The following ALK variants were observed in gnomAD, a reference collection of about 807,000 sequenced individuals.
ALK encodes ALK tyrosine kinase receptor.
In ALK, 74 loss-of-function variants were observed where a neutral mutation model predicts 163.1. The ratio of observed to expected loss-of-function variants is 0.45; its 90% CI spans 0.38 to 0.55. ALK has a LOEUF of 0.55. Among genes scored for constraint, ALK ranks in the 20% least tolerant of loss-of-function variants. The pLI is 0.00. For missense variants in ALK, 2,063 were observed against 2,105.3 expected, an observed-to-expected ratio of 0.98 and a Z score of 0.39; for synonymous variants, 960 against 843.2, an observed-to-expected ratio of 1.14 and a Z score of -2.40.
intron 1 of ALK, among the ~76,000 whole-genome samples, chr2:29,766,835 C>T (rs995359747): frequency 3.9e-5 from 6 of 152,148 alleles, no homozygotes; most frequent in African/African-American, 1.4e-4. Flanking sequence ...ACCTGAAACC[C>T]ATGTCCAGGA....
At chr2:29,640,688 G>C (rs1269347422) in intron 3 of ALK, among the ~76,000 whole-genome samples, 2 of 152,130 alleles carry the variant, frequency 1.3e-5, no homozygotes, top group Non-Finnish European at 2.9e-5. Context: ...GGTATGTGTT[G>C]AACAATATGG....
intron 8 of ALK, among the ~76,000 whole-genome samples, chr2:29,316,670 T>C (rs1113643): frequency 0.6 from 90,975 of 152,106 alleles, 31,254 homozygotes; most frequent in East Asian, 0.81. Flanking sequence ...TCAAAAAGCC[T>C]TCCTTTCTAG....
chr2:29,318,313 A>T lies in ALK; in HGVS notation c.1638T>A (p.Ser546=), dbSNP rs2148247965. The stretch of plus-strand genomic sequence containing the variant: ...AAACAAGGAGACTTGCCTCACATGG[A>T]GAGCTCTTGATCGGTGCAGGAAACG... The part of the protein sequence containing the change: ...SATFPAPIKS[S]PCELRMSWLI... Residue 546 remains serine (S), a synonymous_variant, in exon 8 of 29, where the codon TCT becomes TCA. Coordinates refer to ENST00000389048, the MANE Select transcript of ALK (RefSeq NM_004304.5). 6.2e-7 allele frequency: 1 copy of T among 1,612,672 alleles called. No individual in the cohort carries two copies. The highest frequency in any genetic ancestry group is 8.5e-7 in the Non-Finnish European group (1 of 1,178,684).
intron 1 of ALK, among the ~76,000 whole-genome samples, chr2:29,892,078 C>A (rs1667161673): frequency 6.6e-6 from 1 of 152,206 alleles, no homozygotes; most frequent in African/African-American, 2.4e-5. Flanking sequence ...TACCTACTAC[C>A]TGCACCCCCA....
At chr2:29,759,856 C>T (rs1189399329) in intron 1 of ALK, among the ~76,000 whole-genome samples, 1 of 152,206 alleles carries the variant, frequency 6.6e-6, no homozygotes, top group African/African-American at 2.4e-5. Flanking sequence ...ATGATGTCCA[C>T]TGCTCCTAAG....
At chr2:29,577,894 GC>G (rs1243039076) in intron 3 of ALK, among the ~76,000 whole-genome samples, 1 of 152,188 alleles carries the variant, frequency 6.6e-6, no homozygotes, top group Non-Finnish European at 1.5e-5. Flanking sequence ...AATCCTCGAA[GC>G]CAGACTGTTT....
intron 1 of ALK, among the ~76,000 whole-genome samples, chr2:29,844,679 C>G (rs1404198253): frequency 3.3e-5 from 5 of 152,222 alleles, no homozygotes; most frequent in Admixed American, 3.3e-4. Context: ...TACTACGTCA[C>G]TTCCATTTCT....
intron 5 of ALK, among the ~76,000 whole-genome samples, chr2:29,366,032 G>T (rs776572561): frequency 1.3e-5 from 2 of 152,304 alleles, no homozygotes; most frequent in South Asian, 2.1e-4. Flanking sequence ...ACTTTGGGTT[G>T]GGGAGGGCAG....
chr2:29,715,521 G>A (rs1219904066), intron 2 of ALK, among the ~76,000 whole-genome samples: 2 of 152,202 alleles, frequency 1.3e-5, no homozygotes, highest in African/African-American at 4.8e-5. Flanking sequence ...ATGGGTAGGA[G>A]GCAGCTTAAT....
intron 11 of ALK, among the ~76,000 whole-genome samples, chr2:29,268,512 C>T (rs1349523385): frequency 1.3e-5 from 2 of 152,170 alleles, no homozygotes; most frequent in African/African-American, 2.4e-5. Flanking sequence ...CTCAGAGCCC[C>T]AGGCCCCTGC....
At chr2:29,608,606 A>T (rs1558406342) in intron 3 of ALK, among the ~76,000 whole-genome samples, 1 of 152,186 alleles carries the variant, frequency 6.6e-6, no homozygotes, top group Non-Finnish European at 1.5e-5. Flanking sequence ...GCTGTCATGG[A>T]GATTTTCAGT....
intron 5 of ALK, among the ~76,000 whole-genome samples, chr2:29,331,449 C>A (rs1406199304): frequency 2.0e-5 from 3 of 152,160 alleles, no homozygotes; most frequent in Non-Finnish European, 4.4e-5. Context: ...TATTCTCAGA[C>A]AAACACACAG....
chr2:29,743,993 G>T (rs879856784), intron 1 of ALK, among the ~76,000 whole-genome samples: 9 of 150,930 alleles, frequency 6.0e-5, no homozygotes, highest in Non-Finnish European at 1.3e-4. Flanking sequence ...TAATTGAAAA[G>T]TTGCAAAGAA....
chr2:29,702,228 G>C (rs1230228939), intron 2 of ALK, among the ~76,000 whole-genome samples: 1 of 151,976 alleles, frequency 6.6e-6, no homozygotes, highest in African/African-American at 2.4e-5. Context: ...AAAAAAAAAG[G>C]CATGGTATGC....
Position 29,194,034 on chromosome 2 carries a change from G to T in ALK, c.4165-112C>A, listed in dbSNP as rs76728108. 4.3e-3 allele frequency: 4,560 copies of T among 1,058,688 alleles called. 143 individuals carry two copies. In the African/African-American group the frequency reaches 0.062, roughly 14 times the overall value. 65.6% of individuals were successfully genotyped at this position (1,058,688 alleles called of 1,614,324 possible). ...CATATTCTACAGATGAGGAAACCAG[G>T]ATTTATTGAGAATATAGTAACTTAC... is the stretch of plus-strand genomic sequence containing the variant. On this transcript the variant is annotated intron_variant, in intron 28 of 28. Transcript: ENST00000389048.
chr2:29,541,414 T>A (rs1424478872), intron 3 of ALK, among the ~76,000 whole-genome samples: 1 of 152,220 alleles, frequency 6.6e-6, no homozygotes, highest in Non-Finnish European at 1.5e-5. Flanking sequence ...TGCCTCAGCC[T>A]CCTGAGTAGG....
At chr2:29,392,196 T>C (rs1349849838) in intron 4 of ALK, among the ~76,000 whole-genome samples, 1 of 152,126 alleles carries the variant, frequency 6.6e-6, no homozygotes, top group Admixed American at 6.5e-5. Context: ...AATATGAAAA[T>C]CTTATTTAAT....
intron 1 of ALK, among the ~76,000 whole-genome samples, chr2:29,864,142 A>G (rs1422795871): frequency 6.6e-6 from 1 of 152,200 alleles, no homozygotes; most frequent in Non-Finnish European, 1.5e-5. Context: ...GTACCTGGGC[A>G]GAGCTGGGAT....
Position 29,732,196 on chromosome 2 carries a change from A to T in ALK, c.668-14499T>A, listed in dbSNP as rs545240667. ...ATAGCATGAGATTTTTCAAATTCTT[A>T]TCTCAGCAAAATGACAATTTATTAC... On this transcript the variant is annotated intron_variant, in intron 1 of 28. Transcript: ENST00000389048. Among the ~76,000 whole-genome samples, 22 of 152,368 alleles carry T rather than the reference A, an allele frequency of 1.4e-4. No homozygotes were observed. In the East Asian group the frequency reaches 2.7e-3, roughly 19 times the overall value.
Sources: gnomAD v4.1 joint callset for allele counts (sites outside exome capture counted in the v4.1 genomes callset) on GRCh38, gnomAD v4.1.1 for gene constraint, MANE v1.5 for transcripts, NCBI Gene and HGNC (gene_info 2026-07-23, HGNC 2026-07-21) for gene names.